The following CNTNAP2 variants were observed in gnomAD, a reference collection of about 807,000 sequenced individuals.
CNTNAP2 encodes the protein contactin associated protein 2.
Under a neutral mutation model 155.2 loss-of-function variants are expected in CNTNAP2, and 98 were observed. That is an observed-to-expected ratio of 0.63 (90% CI 0.54 to 0.75). The LOEUF (loss-of-function observed/expected upper bound fraction) is 0.75, where lower values mean the gene tolerates loss of function less well. Ranked by LOEUF, CNTNAP2 falls within the 30% of genes least tolerant of loss-of-function variation. The pLI is 0.00. For synonymous variants in CNTNAP2, 651 were observed against 631.2 expected (o/e 1.03, Z -0.47); for missense variants, 1,727 against 1,688.1 (o/e 1.02, Z -0.40).
chr7:147,328,951 T>G (rs1330844886), intron 9 of CNTNAP2, among the ~76,000 whole-genome samples: 1 of 152,156 alleles, frequency 6.6e-6, no homozygotes, highest in Non-Finnish European at 1.5e-5. Flanking sequence ...AGTATGCATT[T>G]GTAACCTCAA....
intron 1 of CNTNAP2, among the ~76,000 whole-genome samples, chr7:146,483,786 A>C (rs572371503): frequency 6.6e-6 from 1 of 152,262 alleles, no homozygotes; most frequent in Non-Finnish European, 1.5e-5. Flanking sequence ...AGTTAGATTT[A>C]TTACAAGAGA....
intron 15 of CNTNAP2, among the ~76,000 whole-genome samples, chr7:148,007,260 C>A (rs1801998459): frequency 1.3e-5 from 2 of 149,342 alleles, no homozygotes; most frequent in African/African-American, 2.4e-5. Context: ...AAATGTAGGA[C>A]TTCGTTGTAC....
chr7:147,876,469 G>A (rs1255970376), intron 13 of CNTNAP2, among the ~76,000 whole-genome samples: 1 of 152,086 alleles, frequency 6.6e-6, no homozygotes, highest in African/African-American at 2.4e-5. Flanking sequence ...GAGAGAATGG[G>A]GACAGCAATT....
chr7:146,988,329 T>A (rs1467039609), intron 3 of CNTNAP2, among the ~76,000 whole-genome samples: 2 of 152,102 alleles, frequency 1.3e-5, no homozygotes, highest in Admixed American at 1.3e-4. Context: ...ACATTGAATA[T>A]AAAAACAGGG....
intron 1 of CNTNAP2, among the ~76,000 whole-genome samples, chr7:146,154,376 A>G (rs1798094847): frequency 6.6e-6 from 1 of 152,162 alleles, no homozygotes; most frequent in African/African-American, 2.4e-5. Flanking sequence ...GTGTTTTTTA[A>G]TATTGATTCC....
At chr7:146,531,791 C>T (rs201042651) in intron 1 of CNTNAP2, among the ~76,000 whole-genome samples, 4 of 152,058 alleles carry the variant, frequency 2.6e-5, no homozygotes, top group East Asian at 1.9e-4. Context: ...ATGATCCACC[C>T]GCTTCAGCCT....
chr7:146,973,434 A>G (rs1797844714), intron 3 of CNTNAP2, among the ~76,000 whole-genome samples: 1 of 152,240 alleles, frequency 6.6e-6, no homozygotes, highest in Non-Finnish European at 1.5e-5. Flanking sequence ...AAGTACTATT[A>G]GCCAGTATTA....
chr7:146,451,312 A>G (rs1014708629), intron 1 of CNTNAP2, among the ~76,000 whole-genome samples: 1 of 152,290 alleles, frequency 6.6e-6, no homozygotes, highest in East Asian at 1.9e-4. Context: ...ATGTTTAGAG[A>G]ATCTATGCCC....
At chr7:147,632,622 C>CA (rs1795106060) in intron 12 of CNTNAP2, among the ~76,000 whole-genome samples, 1 of 152,138 alleles carries the variant, frequency 6.6e-6, no homozygotes, top group Admixed American at 6.6e-5. Context: ...GGTATTTCTT[C>CA]ATAGCAATGT....
chr7:146,868,438 AG>A (rs1795245109), intron 3 of CNTNAP2, among the ~76,000 whole-genome samples: 1 of 152,280 alleles, frequency 6.6e-6, no homozygotes, highest in South Asian at 2.1e-4. Flanking sequence ...TATAGTTTAA[AG>A]TTGGGCAACG....
At chr7:147,348,591 C>T (rs1248109341) in intron 9 of CNTNAP2, among the ~76,000 whole-genome samples, 2 of 151,852 alleles carry the variant, frequency 1.3e-5, no homozygotes, top group Non-Finnish European at 2.9e-5. Flanking sequence ...TATGGAGGTC[C>T]TCAAAAAACT....
intron 3 of CNTNAP2, among the ~76,000 whole-genome samples, chr7:146,931,232 C>G (rs903140832): frequency 4.6e-5 from 7 of 152,130 alleles, no homozygotes; most frequent in Non-Finnish European, 1.0e-4. Flanking sequence ...TTATAACAAA[C>G]TGTCTCTCAG....
chr7:147,038,391 G>A (rs1446540683), intron 3 of CNTNAP2, among the ~76,000 whole-genome samples: 3 of 152,218 alleles, frequency 2.0e-5, no homozygotes, highest in East Asian at 1.9e-4. Flanking sequence ...AAATATTGTT[G>A]TATTAGTCAA....
chr7:148,245,045 C>T (rs1388363287), intron 20 of CNTNAP2, among the ~76,000 whole-genome samples: 3 of 151,986 alleles, frequency 2.0e-5, no homozygotes, highest in Admixed American at 6.5e-5. Flanking sequence ...TTTATATTTA[C>T]TAGTATTTTT....
chr7:147,630,813 G>A (rs759809932), intron 12 of CNTNAP2, among the ~76,000 whole-genome samples: 11 of 152,030 alleles, frequency 7.2e-5, no homozygotes, highest in Non-Finnish European at 1.5e-4. Context: ...GGCATAGAAG[G>A]GATGTACCTC....
At position 148,200,122 on chromosome 7, in the gene CNTNAP2, A is replaced by G. The variant is rs138603581; in HGVS notation, c.3011-17166A>G. Reference sequence around the variant, plus strand: ...ATTCAGTCGACTGACTGAGATGCTAATCTCCTCCAGGAATGCCCTCATAGA... The same window carrying G: ...ATTCAGTCGACTGACTGAGATGCTAGTCTCCTCCAGGAATGCCCTCATAGA... On this transcript the variant is annotated intron_variant, in intron 18 of 23. Coordinates refer to ENST00000361727, the MANE Select transcript of CNTNAP2 (RefSeq NM_014141.6). Among the ~76,000 whole-genome samples the G allele has an allele frequency of 9.7e-4, 148 of 152,264 alleles. 3 individuals carry two copies. In the East Asian group the frequency reaches 0.026, roughly 27 times the overall value.
intron 21 of CNTNAP2, among the ~76,000 whole-genome samples, chr7:148,307,682 T>G (rs1797513190): frequency 6.6e-6 from 1 of 152,152 alleles, no homozygotes; most frequent in Non-Finnish European, 1.5e-5. Flanking sequence ...AGAATATACA[T>G]AGAGACTGGG....
At chr7:147,438,670 G>C (rs1432177429) in intron 10 of CNTNAP2, among the ~76,000 whole-genome samples, 1 of 151,966 alleles carries the variant, frequency 6.6e-6, no homozygotes, top group African/African-American at 2.4e-5. Flanking sequence ...ACTGCTACTA[G>C]TTCTTCATTA....
At chr7:147,622,364 C>T (rs767650577) in intron 12 of CNTNAP2, among the ~76,000 whole-genome samples, 1 of 151,954 alleles carries the variant, frequency 6.6e-6, no homozygotes, top group Non-Finnish European at 1.5e-5. Flanking sequence ...GGATGATTCT[C>T]AAGGATAGAC....
Sources: allele counts gnomAD v4.1 joint callset (sites outside exome capture counted in the v4.1 genomes callset), GRCh38; gene constraint gnomAD v4.1.1; transcripts MANE v1.5; gene names NCBI Gene and HGNC (gene_info 2026-07-23, HGNC 2026-07-21).